The following MAP3K5 variants were observed in gnomAD, a reference collection of about 807,000 sequenced individuals.
MAP3K5 encodes the protein mitogen-activated protein kinase kinase kinase 5, also known as ASK-1.
Under a neutral mutation model 158.7 loss-of-function variants are expected in MAP3K5, and 56 were observed. That is an observed-to-expected ratio of 0.35 (90% CI 0.28 to 0.44). MAP3K5 has a LOEUF of 0.44. Among genes scored for constraint, MAP3K5 ranks in the 20% least tolerant of loss-of-function variants. The probability of loss-of-function intolerance (pLI) is 1.00; values close to 1 mark genes in which losing one functional copy is unlikely to be tolerated. For missense variants in MAP3K5, 1,294 were observed against 1,674.8 expected, an observed-to-expected ratio of 0.77 and a Z score of 3.97; for synonymous variants, 579 against 601.7, an observed-to-expected ratio of 0.96 and a Z score of 0.55.
intron 14 of MAP3K5, among the ~76,000 whole-genome samples, chr6:136,624,092 G>T (rs1776928953): frequency 6.6e-6 from 1 of 152,122 alleles, no homozygotes; most frequent in Non-Finnish European, 1.5e-5. Context: ...TACTCAAGAG[G>T]CTGAGGCAGG....
intron 1 of MAP3K5, among the ~76,000 whole-genome samples, chr6:136,768,332 T>A (rs987306642): frequency 4.6e-5 from 7 of 152,178 alleles, no homozygotes; most frequent in Non-Finnish European, 8.8e-5. Context: ...GTATCCAGAA[T>A]AGATACAGAC....
At chr6:136,719,413 A>C (rs1056220938) in intron 2 of MAP3K5, among the ~76,000 whole-genome samples, 1 of 152,154 alleles carries the variant, frequency 6.6e-6, no homozygotes, top group Non-Finnish European at 1.5e-5. Context: ...AGGATAAAAA[A>C]ACAGACTTAG....
Position 136,698,596 on chromosome 6 carries a change from C to T in MAP3K5, c.699G>A (p.Gly233=), listed in dbSNP as rs1780708352. 1 of 1,614,000 alleles carries T rather than the reference C, an allele frequency of 6.2e-7. No homozygotes were observed. The highest frequency in any genetic ancestry group is 1.3e-5 in the African/African-American group (1 of 75,036). The change falls in exon 4 of 30, where the codon GGG becomes GGA. Residue 233 remains glycine, a synonymous_variant. Coordinates refer to ENST00000359015, the MANE Select transcript of MAP3K5 (RefSeq NM_005923.4). ...VYCCDSSFMK[G]LTELMQPNFE... is the part of the protein sequence containing the mutation. ...AGTTCGGTTGCATGAGCTCTGTCAACCCCTTCATGAAGCTGCTGTCACAGC... is the reference window on the plus strand; with the variant it reads ...AGTTCGGTTGCATGAGCTCTGTCAATCCCTTCATGAAGCTGCTGTCACAGC...
chr6:136,640,490 C>T (rs1378071569), intron 12 of MAP3K5, among the ~76,000 whole-genome samples: 2 of 152,164 alleles, frequency 1.3e-5, no homozygotes, highest in East Asian at 1.9e-4. Flanking sequence ...ACTCTATTCA[C>T]GATTTAAGGC....
chr6:136,710,302 C>T (rs1257245606), intron 2 of MAP3K5, among the ~76,000 whole-genome samples: 1 of 152,122 alleles, frequency 6.6e-6, no homozygotes, highest in Non-Finnish European at 1.5e-5. Context: ...AAGATAAAAT[C>T]AATATAAACT....
chr6:136,648,943 A>C (rs78128515), intron 11 of MAP3K5, among the ~76,000 whole-genome samples: 9,410 of 152,292 alleles, frequency 0.062, 409 homozygotes, highest in East Asian at 0.17. Flanking sequence ...TAGGTCTGAC[A>C]TGCAGATTAG....
chr6:136,642,909 GT>G (rs1778054757), intron 11 of MAP3K5, among the ~76,000 whole-genome samples: 1 of 152,136 alleles, frequency 6.6e-6, no homozygotes, highest in African/African-American at 2.4e-5. Flanking sequence ...TATTATTACA[GT>G]TGAGAAATAC....
chr6:136,563,888 T>C (rs542622369), intron 26 of MAP3K5, among the ~76,000 whole-genome samples: 38 of 152,336 alleles, frequency 2.5e-4, no homozygotes, highest in African/African-American at 8.2e-4. Flanking sequence ...TTTCTGAGTA[T>C]TGATAGATTT....
chr6:136,583,830 T>C, intron 23 of MAP3K5, 90 bp from the exon 24 acceptor site: 1 of 1,250,456 alleles, frequency 8.0e-7, no homozygotes. Flanking sequence ...GCCCCCACAT[T>C]TTTTTTTCTT....
chr6:136,601,719 A>G, intron 20 of MAP3K5, 83 bp downstream of exon 20: 1 of 1,188,960 alleles, frequency 8.4e-7, no homozygotes, highest in Admixed American at 2.1e-5. Context: ...TAAACAGGTT[A>G]GTTTACTTCC....
chr6:136,736,577 TGACA>T (rs1782470482), intron 1 of MAP3K5, among the ~76,000 whole-genome samples: 1 of 152,352 alleles, frequency 6.6e-6, no homozygotes, highest in Non-Finnish European at 1.5e-5. Context: ...TTTTAACTGC[TGACA>T]GACAGGTGGC....
chr6:136,559,509 A>C (rs974219073), intron 28 of MAP3K5, among the ~76,000 whole-genome samples: 3 of 152,250 alleles, frequency 2.0e-5, no homozygotes, highest in African/African-American at 7.2e-5. Flanking sequence ...TTCAAAAGCA[A>C]ATCTTGTATT....
At chr6:136,672,716 T>C in intron 7 of MAP3K5, among the ~76,000 whole-genome samples, 1 of 151,894 alleles carries the variant, frequency 6.6e-6, no homozygotes. Flanking sequence ...TTTACCACAT[T>C]TTGGGCTGGG....
chr6:136,575,355 G>A lies in MAP3K5; in HGVS notation c.3517+4946C>T, dbSNP rs531854016. On this transcript the variant is annotated intron_variant, in intron 25 of 29. Coordinates refer to ENST00000359015, the MANE Select transcript of MAP3K5 (RefSeq NM_005923.4). ...TTTTGTATTTTTCATGTAGAGATGCGGTTTTGCCACACTGCCTGGGGTGAT... is the reference window on the plus strand; with the variant it reads ...TTTTGTATTTTTCATGTAGAGATGCAGTTTTGCCACACTGCCTGGGGTGAT... Among the ~76,000 whole-genome samples, 39 of 151,626 alleles carry A rather than the reference G, an allele frequency of 2.6e-4. 1 individual carries two copies. The highest frequency in any genetic ancestry group is 9.0e-4 in the African/African-American group (37 of 41,318).
chr6:136,681,332 A>G (rs1779923217), intron 7 of MAP3K5, among the ~76,000 whole-genome samples: 1 of 152,218 alleles, frequency 6.6e-6, no homozygotes, highest in Admixed American at 6.5e-5. Flanking sequence ...CTACAGAGAC[A>G]TAGTAAATAC....
chr6:136,562,297 G>A (rs764790631), intron 27 of MAP3K5, among the ~76,000 whole-genome samples: 55 of 151,916 alleles, frequency 3.6e-4, no homozygotes, highest in Admixed American at 1.4e-3. Flanking sequence ...AGATGATTAT[G>A]AATAATCTAT....
At chr6:136,683,020 A>G (rs948926723) in intron 7 of MAP3K5, among the ~76,000 whole-genome samples, 1 of 152,256 alleles carries the variant, frequency 6.6e-6, no homozygotes, top group African/African-American at 2.4e-5. Context: ...AAATATATCA[A>G]ATATGTAAAG....
intron 14 of MAP3K5, chr6:136,636,818 T>C (rs559445001): frequency 1.0e-6 from 1 of 983,572 alleles, no homozygotes; most frequent in African/African-American, 1.7e-5. Context: ...TAGGTATCCA[T>C]AGTGCTCTGT....
chr6:136,682,140 A>G (rs7748892), intron 7 of MAP3K5, among the ~76,000 whole-genome samples: 5,406 of 152,312 alleles, frequency 0.035, 95 homozygotes, highest in Middle Eastern at 0.075. Flanking sequence ...CTGTACATCT[A>G]TCTGGTCACC....
Sources: allele counts gnomAD v4.1 joint callset (sites outside exome capture counted in the v4.1 genomes callset), GRCh38; gene constraint gnomAD v4.1.1; transcripts MANE v1.5; gene names NCBI Gene and HGNC (gene_info 2026-07-23, HGNC 2026-07-21).